Variants in SMIM10L1 observed in about 807,000 individuals in gnomAD.
SMIM10L1 encodes small integral membrane protein 10 like 1, also known as small integral membrane protein 10-like protein 1.
In SMIM10L1, 6 loss-of-function variants were observed where a neutral mutation model predicts 4.5. The ratio of observed to expected loss-of-function variants is 1.33; its 90% CI spans 0.73 to 2.62. The LOEUF is 2.62. Among genes scored for constraint, SMIM10L1 ranks in the 30% most tolerant of loss-of-function variants. SMIM10L1 has a pLI of 0.00. For missense variants in SMIM10L1, 66 were observed against 86.2 expected (o/e 0.77, Z 0.93); for synonymous variants, 49 against 42.2 (o/e 1.16, Z -0.63).
chr12:11,174,823 G>C lies in SMIM10L1; in HGVS notation c.*3260G>C, dbSNP rs565358855. 3 of 152,358 alleles carry C rather than the reference G, an allele frequency of 2.0e-5. No individual in the cohort carries two copies. The highest frequency in any genetic ancestry group is 3.4e-3 in the Middle Eastern group (1 of 294). 9.4% of individuals were successfully genotyped at this position (152,358 alleles called of 1,614,324 possible). On this transcript the variant is annotated 3_prime_UTR_variant, in exon 1 of 1. Transcript: ENST00000622602. ...AAAACTATTTATATACATGAGCTCC[G>C]TAATTCTCACATATACCCTGTGAGG...
rs1464252523 is a variant in SMIM10L1, at chr12:11,173,671, C to T, written c.*2108C>T. ...TCTAGTCTTAATCCTGAAATGGTGA[C>T]AGAGTAGGATGCTCCATTTGGGTGA... On this transcript the variant is annotated 3_prime_UTR_variant, in exon 1 of 1. Coordinates refer to ENST00000622602, the MANE Select transcript of SMIM10L1 (RefSeq NM_001271592.2). 6.6e-6 allele frequency: 1 copy of T among 152,140 alleles called. No homozygotes were observed. The highest frequency in any genetic ancestry group is 2.4e-5 in the African/African-American group (1 of 41,432). 9.4% of individuals were successfully genotyped at this position (152,140 alleles called of 1,614,324 possible).
Position 11,175,834 on chromosome 12 carries a change from G to A in SMIM10L1, c.*4271G>A, listed in dbSNP as rs1006414356. The A allele has an allele frequency of 6.6e-6, 1 of 152,154 alleles. No homozygotes were observed. Among genetic ancestry groups the A allele is most frequent in the Non-Finnish European group, 1.5e-5 (1 of 68,046 alleles). 9.4% of individuals were successfully genotyped at this position (152,154 alleles called of 1,614,324 possible). A position where few individuals can be genotyped will look rare whatever the true frequency, so the allele number is the denominator to read the frequency against. ...GATGAAACCCTCGTGAATGGGATTA[G>A]TGCCTTTATAAAGGAGACCCCAAAA... On this transcript the variant is annotated 3_prime_UTR_variant, in exon 1 of 1. Transcript: ENST00000622602.
At position 11,172,839 on chromosome 12, in the gene SMIM10L1, A is replaced by G. The variant is rs926466665; in HGVS notation, c.*1276A>G. ...TAGTCATGTAAAGTCAGTCATAATT[A>G]TGTAAATACTGAATACTGATTTTAC... On this transcript the variant is annotated 3_prime_UTR_variant, in exon 1 of 1. Coordinates refer to ENST00000622602, the MANE Select transcript of SMIM10L1 (RefSeq NM_001271592.2). The G allele has an allele frequency of 2.0e-5, 3 of 152,254 alleles. No homozygotes were observed. Among genetic ancestry groups the G allele is most frequent in the Admixed American group, 6.5e-5 (1 of 15,288 alleles). The allele number at this position is 152,254 out of a possible 1,614,324, so 9.4% of individuals were successfully genotyped here. A position where few individuals can be genotyped will look rare whatever the true frequency, so the allele number is the denominator to read the frequency against.
chr12:11,171,950 A>C lies in SMIM10L1; in HGVS notation c.*387A>C, dbSNP rs1947862593. 6.3e-6 allele frequency: 1 copy of C among 159,446 alleles called. No individual in the cohort carries two copies. Among genetic ancestry groups the C allele is most frequent in the Admixed American group, 6.5e-5 (1 of 15,466 alleles). 9.9% of individuals were successfully genotyped at this position (159,446 alleles called of 1,614,324 possible). A position where few individuals can be genotyped will look rare whatever the true frequency, so the allele number is the denominator to read the frequency against. On this transcript the variant is annotated 3_prime_UTR_variant, in exon 1 of 1. Coordinates refer to ENST00000622602, the MANE Select transcript of SMIM10L1 (RefSeq NM_001271592.2). Reference sequence around the variant, plus strand: ...CCGGGAATCCTCGGACTGGATTGTAAGCAAGATTTCAATGAATAAGAAGCT... The same window carrying C: ...CCGGGAATCCTCGGACTGGATTGTACGCAAGATTTCAATGAATAAGAAGCT...
chr12:11,171,605 C>G lies in SMIM10L1; in HGVS notation c.*42C>G. On this transcript the variant is annotated 3_prime_UTR_variant, in exon 1 of 1. Transcript: ENST00000622602. ...ACGGCCTCCGGGGCCAGCATGATGGCCGACTCCCAGGGTCCGTTGCGGCGC... is the reference window on the plus strand; with the variant it reads ...ACGGCCTCCGGGGCCAGCATGATGGGCGACTCCCAGGGTCCGTTGCGGCGC... 2 of 1,210,412 alleles carry G rather than the reference C, an allele frequency of 1.7e-6. No individual in the cohort carries two copies. Among genetic ancestry groups the G allele is most frequent in the South Asian group, 4.2e-5 (1 of 23,848 alleles). 75.0% of individuals were successfully genotyped at this position (1,210,412 alleles called of 1,614,324 possible).
At position 11,173,517 on chromosome 12, in the gene SMIM10L1, C is replaced by G. The variant is rs976200643; in HGVS notation, c.*1954C>G. The G allele has an allele frequency of 1.3e-5, 2 of 152,064 alleles. No individual in the cohort carries two copies. Among genetic ancestry groups the G allele is most frequent in the African/African-American group, 4.8e-5 (2 of 41,396 alleles). The allele number at this position is 152,064 out of a possible 1,614,324, so 9.4% of individuals were successfully genotyped here. ...ACAGGTTTCCTAGACTGCGATAAGC[C>G]AAAACATTTTAGTCTAAAATATCAG... On this transcript the variant is annotated 3_prime_UTR_variant, in exon 1 of 1. Coordinates refer to ENST00000622602, the MANE Select transcript of SMIM10L1 (RefSeq NM_001271592.2).
In SMIM10L1 at chr12:11,171,627, G is replaced by A; in HGVS notation, c.*64G>A. The stretch of plus-strand genomic sequence containing the variant: ...TGGCCGACTCCCAGGGTCCGTTGCG[G>A]CGCGGCGGAGCAGCCAATGGCGAGC... On this transcript the variant is annotated 3_prime_UTR_variant, in exon 1 of 1. Coordinates refer to ENST00000622602, the MANE Select transcript of SMIM10L1 (RefSeq NM_001271592.2). 1 of 1,137,474 alleles carries A rather than the reference G, an allele frequency of 8.8e-7. No individual in the cohort carries two copies. The highest frequency in any genetic ancestry group is 1.1e-6 in the Non-Finnish European group (1 of 901,892). 70.5% of individuals were successfully genotyped at this position (1,137,474 alleles called of 1,614,324 possible). A position where few individuals can be genotyped will look rare whatever the true frequency, so the allele number is the denominator to read the frequency against.
Position 11,174,116 on chromosome 12 carries a change from A to G in SMIM10L1, c.*2553A>G, listed in dbSNP as rs144471935. The G allele has an allele frequency of 1.9e-3, 283 of 152,056 alleles. 2 individuals carry two copies. Among genetic ancestry groups the G allele is most frequent in the African/African-American group, 6.4e-3 (266 of 41,504 alleles). The allele number at this position is 152,056 out of a possible 1,614,324, so 9.4% of individuals were successfully genotyped here. A position where few individuals can be genotyped will look rare whatever the true frequency, so the allele number is the denominator to read the frequency against. ...CTCTGTGGTTTATCATTTATTCACA[A>G]TTGCTCTTAATTCTTGGGGTATAGT... On this transcript the variant is annotated 3_prime_UTR_variant, in exon 1 of 1. Coordinates refer to ENST00000622602, the MANE Select transcript of SMIM10L1 (RefSeq NM_001271592.2).
chr12:11,171,599 T>A lies in SMIM10L1; in HGVS notation c.*36T>A. The A allele has an allele frequency of 8.2e-7, 1 of 1,220,282 alleles. No individual in the cohort carries two copies. The highest frequency in any genetic ancestry group is 1.0e-6 in the Non-Finnish European group (1 of 977,252). 75.6% of individuals were successfully genotyped at this position (1,220,282 alleles called of 1,614,324 possible). ...AAGCTAACGGCCTCCGGGGCCAGCA[T>A]GATGGCCGACTCCCAGGGTCCGTTG... is the stretch of plus-strand genomic sequence containing the variant. On this transcript the variant is annotated 3_prime_UTR_variant, in exon 1 of 1. Transcript: ENST00000622602.
rs1416956569 is a variant in SMIM10L1 at position 11,174,754 on chromosome 12, A to G, written c.*3191A>G. The G allele has an allele frequency of 6.6e-6, 1 of 152,374 alleles. No individual in the cohort carries two copies. Among genetic ancestry groups the G allele is most frequent in the East Asian group, 1.9e-4 (1 of 5,182 alleles). 9.4% of individuals were successfully genotyped at this position (152,374 alleles called of 1,614,324 possible). The stretch of plus-strand genomic sequence containing the variant: ...CAAATAGCATATCATTACCATCAGC[A>G]TCATTTTTAAAATATATTGAGTTTT... On this transcript the variant is annotated 3_prime_UTR_variant, in exon 1 of 1. Transcript: ENST00000622602.
Position 11,171,532 on chromosome 12 carries a change from T to A in SMIM10L1, c.176T>A (p.Ile59Asn). The change falls in exon 1 of 1, where the codon ATC becomes AAC. Residue 59 changes from isoleucine (I) to asparagine (N), a missense_variant. Physicochemically the swap from Ile to Asn is moderately radical, Grantham distance 149. Coordinates refer to ENST00000622602, the MANE Select transcript of SMIM10L1 (RefSeq NM_001271592.2). Reference sequence around the variant, plus strand: ...TACTTCTACGTCGCGGGCTCGGTGATCCTCAACATCCGATTGCAGGTACAT... The same window carrying A: ...TACTTCTACGTCGCGGGCTCGGTGAACCTCAACATCCGATTGCAGGTACAT... ...FPYFYVAGSV[I>N]LNIRLQVHI 8.1e-7 allele frequency: 1 copy of A among 1,232,258 alleles called. No individual in the cohort carries two copies. Among genetic ancestry groups the A allele is most frequent in the Non-Finnish European group, 1.0e-6 (1 of 988,078 alleles). 76.3% of individuals were successfully genotyped at this position (1,232,258 alleles called of 1,614,324 possible).
In SMIM10L1 at chr12:11,171,223, G is replaced by T; in HGVS notation, c.-134G>T. ...ACGCGCCGCACTGCACCGAGCGGCG[G>T]CAGCGGCAAGCTTGGGTGTGAGCCC... On this transcript the variant is annotated 5_prime_UTR_variant, in exon 1 of 1. Coordinates refer to ENST00000622602, the MANE Select transcript of SMIM10L1 (RefSeq NM_001271592.2). The T allele has an allele frequency of 4.0e-6, 2 of 494,188 alleles. No homozygotes were observed. The highest frequency in any genetic ancestry group is 6.4e-6 in the Non-Finnish European group (2 of 314,444). 30.6% of individuals were successfully genotyped at this position (494,188 alleles called of 1,614,324 possible). A position where few individuals can be genotyped will look rare whatever the true frequency, so the allele number is the denominator to read the frequency against.
chr12:11,171,345 G>C lies in SMIM10L1; in HGVS notation c.-12G>C. The stretch of plus-strand genomic sequence containing the variant: ...TCGCTACAGACGCTGGGCGGGCGGC[G>C]ACACCTGGCTCATGGCCCCCGCGGC... On this transcript the variant is annotated 5_prime_UTR_variant, in exon 1 of 1. Transcript: ENST00000622602. 1.6e-6 allele frequency: 2 copies of C among 1,231,238 alleles called. No individual in the cohort carries two copies. The highest frequency in any genetic ancestry group is 8.2e-5 in the South Asian group (2 of 24,282). 76.3% of individuals were successfully genotyped at this position (1,231,238 alleles called of 1,614,324 possible).
At position 11,175,188 on chromosome 12, in the gene SMIM10L1, AG is replaced by A. The variant is rs1565734706; in HGVS notation, c.*3628del. 1 of 152,014 alleles carries A rather than the reference AG, an allele frequency of 6.6e-6. No homozygotes were observed. Among genetic ancestry groups the A allele is most frequent in the Non-Finnish European group, 1.5e-5 (1 of 67,988 alleles). The allele number at this position is 152,014 out of a possible 1,614,324, so 9.4% of individuals were successfully genotyped here. A position where few individuals can be genotyped will look rare whatever the true frequency, so the allele number is the denominator to read the frequency against. ...TAAACCTATTGGCTTATTTTATTAGAGGGTTGGTGGGATTGAGGGATATGGG... is the reference window on the plus strand; with the variant it reads ...TAAACCTATTGGCTTATTTTATTAGAGGTTGGTGGGATTGAGGGATATGGG... On this transcript the variant is annotated 3_prime_UTR_variant, in exon 1 of 1. Transcript: ENST00000622602.
rs1200133917 is a variant in SMIM10L1 at position 11,173,845 on chromosome 12, C to T, written c.*2282C>T. 1 of 151,626 alleles carries T rather than the reference C, an allele frequency of 6.6e-6. No individual in the cohort carries two copies. The highest frequency in any genetic ancestry group is 1.5e-5 in the Non-Finnish European group (1 of 67,906). 9.4% of individuals were successfully genotyped at this position (151,626 alleles called of 1,614,324 possible). ...ACTATATCCTATTCAATTTTACACC[C>T]GGTAGTAACAGTATGTGTGTGTACT... is the stretch of plus-strand genomic sequence containing the variant. On this transcript the variant is annotated 3_prime_UTR_variant, in exon 1 of 1. Transcript: ENST00000622602.
rs1226794543 is a variant in SMIM10L1, at chr12:11,175,866, C to T, written c.*4303C>T. On this transcript the variant is annotated 3_prime_UTR_variant, in exon 1 of 1. Transcript: ENST00000622602. ...TATAAAGGAGACCCCAAAATAATTCCCTTACCCCTTTTGCCATGTAAGGTT... is the reference window on the plus strand; with the variant it reads ...TATAAAGGAGACCCCAAAATAATTCTCTTACCCCTTTTGCCATGTAAGGTT... 5.9e-5 allele frequency: 9 copies of T among 152,112 alleles called. No homozygotes were observed. Among genetic ancestry groups the T allele is most frequent in the Non-Finnish European group, 1.3e-4 (9 of 68,032 alleles). The allele number at this position is 152,112 out of a possible 1,614,324, so 9.4% of individuals were successfully genotyped here.
rs1057154806 is a variant in SMIM10L1 at position 11,174,837 on chromosome 12, T to C, written c.*3274T>C. 1.3e-5 allele frequency: 2 copies of C among 152,532 alleles called. No homozygotes were observed. Among genetic ancestry groups the C allele is most frequent in the African/African-American group, 2.4e-5 (1 of 41,428 alleles). 9.4% of individuals were successfully genotyped at this position (152,532 alleles called of 1,614,324 possible). A position where few individuals can be genotyped will look rare whatever the true frequency, so the allele number is the denominator to read the frequency against. On this transcript the variant is annotated 3_prime_UTR_variant, in exon 1 of 1. Transcript: ENST00000622602. The stretch of plus-strand genomic sequence containing the variant: ...ACATGAGCTCCGTAATTCTCACATA[T>C]ACCCTGTGAGGAAAACATTTTTATC...
At position 11,173,539 on chromosome 12, in the gene SMIM10L1, T is replaced by C. The variant is rs1316915138; in HGVS notation, c.*1976T>C. On this transcript the variant is annotated 3_prime_UTR_variant, in exon 1 of 1. Coordinates refer to ENST00000622602, the MANE Select transcript of SMIM10L1 (RefSeq NM_001271592.2). Reference sequence around the variant, plus strand: ...AGCCAAAACATTTTAGTCTAAAATATCAGAAGTGTAGTTTAATCAATGAAA... The same window carrying C: ...AGCCAAAACATTTTAGTCTAAAATACCAGAAGTGTAGTTTAATCAATGAAA... The C allele has an allele frequency of 3.9e-5, 6 of 152,308 alleles. No homozygotes were observed. The East Asian group carries it at 1.2e-3, about 29-fold the overall frequency. The allele number at this position is 152,308 out of a possible 1,614,324, so 9.4% of individuals were successfully genotyped here.
At position 11,173,864 on chromosome 12, in the gene SMIM10L1, G is replaced by A. The variant is rs897107612; in HGVS notation, c.*2301G>A. ...TACACCCGGTAGTAACAGTATGTGT[G>A]TGTACTGTATATATACATATATATA... is the stretch of plus-strand genomic sequence containing the variant. On this transcript the variant is annotated 3_prime_UTR_variant, in exon 1 of 1. Coordinates refer to ENST00000622602, the MANE Select transcript of SMIM10L1 (RefSeq NM_001271592.2). The A allele has an allele frequency of 1.3e-5, 2 of 151,706 alleles. No homozygotes were observed. The highest frequency in any genetic ancestry group is 2.4e-5 in the African/African-American group (1 of 41,290). The allele number at this position is 151,706 out of a possible 1,614,324, so 9.4% of individuals were successfully genotyped here.
Sources: gnomAD v4.1 joint callset for allele counts on GRCh38, gnomAD v4.1.1 for gene constraint, MANE v1.5 for transcripts, NCBI Gene and HGNC (gene_info 2026-07-23, HGNC 2026-07-21) for gene names.